Variants in STRADB observed in about 807,000 individuals in gnomAD.
STRADB encodes the protein STE20-related kinase adapter protein beta.
In STRADB, 34 loss-of-function variants were observed where a neutral mutation model predicts 52.1. The ratio of observed to expected loss-of-function variants is 0.65; its 90% CI spans 0.50 to 0.87. The LOEUF (loss-of-function observed/expected upper bound fraction) is 0.87. Ranked by LOEUF, STRADB falls within the 40% of genes least tolerant of loss-of-function variation. The pLI is 0.00. For missense variants in STRADB, 340 were observed against 483.9 expected, an observed-to-expected ratio of 0.70 and a Z score of 2.79; for synonymous variants, 133 against 174.5, an observed-to-expected ratio of 0.76 and a Z score of 1.87.
chr2:201,475,595 A>T (rs200634284), intron 6 of STRADB, 24 bp from the exon 7 acceptor site: 2 of 1,611,616 alleles, frequency 1.2e-6, no homozygotes, highest in Non-Finnish European at 1.7e-6. Context: ...ATGTTCATCT[A>T]AGGATTTTAG....
chr2:201,471,921 A>G (rs1952396623), intron 4 of STRADB, among the ~76,000 whole-genome samples: 1 of 152,234 alleles, frequency 6.6e-6, no homozygotes, highest in Non-Finnish European at 1.5e-5. Flanking sequence ...GCAACAGGAC[A>G]GGGCTCAAAC....
chr2:201,479,699 T>C (rs1952539997), intron 11 of STRADB, among the ~76,000 whole-genome samples, 168 bp downstream of exon 11: 1 of 152,226 alleles, frequency 6.6e-6, no homozygotes. Flanking sequence ...TTATAGACTT[T>C]CTAAAATACT....
chr2:201,457,471 T>C (rs972496412), intron 2 of STRADB: 3 of 152,188 alleles, frequency 2.0e-5, no homozygotes, highest in Non-Finnish European at 4.4e-5. Context: ...CATAAAACAG[T>C]GGGAATATAT....
intron 11 of STRADB, 39 bp downstream of exon 11, chr2:201,479,570 T>C: frequency 1.3e-6 from 2 of 1,571,858 alleles, no homozygotes; most frequent in Non-Finnish European, 1.7e-6. Flanking sequence ...ATGTTTTTAA[T>C]TACTATTAAA....
chr2:201,467,014 G>A (rs946683259), intron 3 of STRADB, among the ~76,000 whole-genome samples: 1 of 152,130 alleles, frequency 6.6e-6, no homozygotes, highest in Non-Finnish European at 1.5e-5. Context: ...CTATGATGTA[G>A]GGTCTGTTCC....
At chr2:201,479,466 T>A (rs757661095) in intron 10 of STRADB, 23 bp from the exon 11 acceptor site, 26 of 1,551,456 alleles carry the variant, frequency 1.7e-5, no homozygotes, top group East Asian at 9.1e-5. Context: ...GTTTTTTTTT[T>A]ATAACTTTCT....
chr2:201,477,354 G>A (rs936741125), intron 7 of STRADB, among the ~76,000 whole-genome samples: 3 of 152,040 alleles, frequency 2.0e-5, no homozygotes, highest in South Asian at 2.1e-4. Context: ...GTGAGCCACC[G>A]CACCCGGCTA....
At chr2:201,467,365 C>G (rs915612339) in intron 3 of STRADB, among the ~76,000 whole-genome samples, 1 of 152,176 alleles carries the variant, frequency 6.6e-6, no homozygotes, top group Non-Finnish European at 1.5e-5. Context: ...TCCCTCTTCA[C>G]TTCCAGTTCT....
chr2:201,454,754 A>G lies in STRADB; in HGVS notation c.-87A>G. The G allele has an allele frequency of 7.6e-7, 1 of 1,318,322 alleles. No homozygotes were observed. The highest frequency in any genetic ancestry group is 1.1e-6 in the Non-Finnish European group (1 of 943,584). 81.7% of individuals were successfully genotyped at this position (1,318,322 alleles called of 1,614,324 possible). A position where few individuals can be genotyped will look rare whatever the true frequency, so the allele number is the denominator to read the frequency against. ...GCTTTTGTTTTTTATAGTAGGATAT[A>G]TCTGCATCTTGAAAGGAAGATAAAA... On this transcript the variant is annotated 5_prime_UTR_variant, in exon 2 of 12. The change creates a new upstream start codon in the 5' untranslated region. Transcript: ENST00000194530.
chr2:201,475,815 G>A, intron 7 of STRADB, 73 bp downstream of exon 7: 1 of 1,480,168 alleles, frequency 6.8e-7, no homozygotes, highest in Non-Finnish European at 9.1e-7. Flanking sequence ...TTTTAGGAAG[G>A]AGCAGTTGAA....
intron 3 of STRADB, among the ~76,000 whole-genome samples, chr2:201,461,198 AT>A (rs1053154411): frequency 1.3e-5 from 2 of 151,530 alleles, no homozygotes; most frequent in Admixed American, 6.6e-5. Context: ...TTTTATTTCT[AT>A]TTTTTTTAGA....
chr2:201,454,112 C>G (rs1034444264), intron 1 of STRADB, among the ~76,000 whole-genome samples: 1 of 152,178 alleles, frequency 6.6e-6, no homozygotes, highest in East Asian at 1.9e-4. Flanking sequence ...AAGGGATGCT[C>G]TGAACCCACA....
In STRADB at chr2:201,459,936, T is replaced by TA. The variant is rs374407612; in HGVS notation, c.93+1073dup. On this transcript the variant is annotated intron_variant, in intron 3 of 11. Coordinates refer to ENST00000194530, the MANE Select transcript of STRADB (RefSeq NM_018571.6). Reference sequence around the variant, plus strand: ...ATTGTATCTGTGAAGCCTTTCCACTTACACTTTTTATTTGGTTCTGCTCCC... The same window carrying TA: ...ATTGTATCTGTGAAGCCTTTCCACTTAACACTTTTTATTTGGTTCTGCTCCC... 2.4e-3 allele frequency among the ~76,000 whole-genome samples: 359 copies of TA among 152,322 alleles called. 1 individual carries two copies. Among genetic ancestry groups the TA allele is most frequent in the Non-Finnish European group, 4.1e-3 (282 of 68,030 alleles).
intron 2 of STRADB, among the ~76,000 whole-genome samples, chr2:201,458,353 G>T (rs892474440): frequency 6.6e-6 from 1 of 152,126 alleles, no homozygotes; most frequent in Non-Finnish European, 1.5e-5. Context: ...GTGGCTTAAT[G>T]TGAATAAACA....
chr2:201,455,724 A>G (rs958729743), intron 2 of STRADB, among the ~76,000 whole-genome samples: 1 of 152,062 alleles, frequency 6.6e-6, no homozygotes, highest in Non-Finnish European at 1.5e-5. Flanking sequence ...AAGGATGAGT[A>G]TATTTGTATG....
In STRADB at chr2:201,475,618, G is replaced by C. The variant is rs1360840251; in HGVS notation, c.425-1G>C. On this transcript the variant is annotated splice_acceptor_variant, in intron 6 of 11. Coordinates refer to ENST00000194530, the MANE Select transcript of STRADB (RefSeq NM_018571.6). LOFTEE classifies it high-confidence loss of function. ...CTAAGGATTTTAGGGGTTTCTTTCA[G>C]GTTCAGCAAGTCAACTCTTGAGGAC... 1.9e-6 allele frequency: 3 copies of C among 1,611,778 alleles called. No individual in the cohort carries two copies. The highest frequency in any genetic ancestry group is 2.5e-6 in the Non-Finnish European group (3 of 1,179,796).
chr2:201,476,981 CAAAAAA>C (rs749872871), intron 7 of STRADB, among the ~76,000 whole-genome samples: 1 of 30,052 alleles, frequency 3.3e-5, no homozygotes, highest in Non-Finnish European at 5.7e-5. Flanking sequence ...GATTCTGTCT[CAAAAAA>C]AAAAAAAAAA....
In STRADB at chr2:201,464,279, G is replaced by T. The variant is rs1952263523; in HGVS notation, c.93+5415G>T. 2.6e-5 allele frequency among the ~76,000 whole-genome samples: 4 copies of T among 151,884 alleles called. No individual in the cohort carries two copies. In the South Asian group the frequency reaches 8.3e-4, roughly 32 times the overall value. On this transcript the variant is annotated intron_variant, in intron 3 of 11. Transcript: ENST00000194530. ...TTGAGTATTGTGATCTAAGTCTTTG[G>T]TCACTGTAACTCTATCTGCATTAGG...
intron 2 of STRADB, among the ~76,000 whole-genome samples, chr2:201,456,857 G>T (rs1451379959): frequency 6.6e-6 from 1 of 152,234 alleles, no homozygotes; most frequent in Admixed American, 6.5e-5. Flanking sequence ...AAGCTTTCAA[G>T]AATCTTTTCT....
Sources: gnomAD v4.1 joint callset for allele counts (sites outside exome capture counted in the v4.1 genomes callset) on GRCh38, gnomAD v4.1.1 for gene constraint, MANE v1.5 for transcripts, NCBI Gene and HGNC (gene_info 2026-07-23, HGNC 2026-07-21) for gene names.